SYT3: variants seen among roughly 807,000 people sequenced by gnomAD.
SYT3 encodes synaptotagmin-3.
In SYT3, 25 loss-of-function variants were observed where a neutral mutation model predicts 50.6. That is an observed-to-expected ratio of 0.49 (90% confidence interval 0.36 to 0.69). SYT3 has a LOEUF of 0.69. SYT3 is among the 30% of genes least tolerant of loss of function. The probability of loss-of-function intolerance (pLI) is 0.00; values close to 1 mark genes in which losing one functional copy is unlikely to be tolerated. For missense variants in SYT3, 589 were observed against 793.6 expected, an observed-to-expected ratio of 0.74 and a Z score of 3.10; for synonymous variants, 323 against 353.9, an observed-to-expected ratio of 0.91 and a Z score of 0.98.
Position 50,638,347 on chromosome 19 carries a change from G to A in SYT3, c.-16+678C>T, listed in dbSNP as rs77100496. ...AAGGAGGCCAGACTGGGGTAGACGC[G>A]GGGAGGGCCAGGAGAGAAGGATGGA... On this transcript the variant is annotated intron_variant, in intron 2 of 10. Transcript: ENST00000600079. 6.3e-4 allele frequency among the ~76,000 whole-genome samples: 96 copies of A among 152,226 alleles called. No individual in the cohort carries two copies. The East Asian group carries it at 0.017, about 27-fold the overall frequency.
At position 50,637,256 on chromosome 19, in the gene SYT3, G is replaced by A. The variant is rs1324555625; in HGVS notation, c.148+8C>T. The stretch of plus-strand genomic sequence containing the variant: ...AGGGGGCTGGCCAAGACAGGCAGGG[G>A]TGCTGACCTGCATCTGGACCCCGGG... On this transcript the variant is annotated splice_region_variant and intron_variant, in intron 3 of 10. Transcript: ENST00000600079. This position sits in a 1 kb window ranked among gnomAD's most constrained non-coding sequence, Gnocchi z 4.9. 2 of 1,612,242 alleles carry A rather than the reference G, an allele frequency of 1.2e-6. No homozygotes were observed. The highest frequency in any genetic ancestry group is 2.7e-5 in the African/African-American group (2 of 74,904).
At chr19:50,626,083 C>G (rs1419822273) in intron 6 of SYT3, 66 bp from the exon 7 acceptor site, 2 of 1,562,948 alleles carry the variant, frequency 1.3e-6, no homozygotes, top group East Asian at 4.7e-5. Flanking sequence ...CTGATTTTCT[C>G]TCCGGTCGGA....
the SYT3 span, among the ~76,000 whole-genome samples, chr19:50,655,347 G>T: frequency 6.6e-6 from 1 of 152,164 alleles, no homozygotes; most frequent in Admixed American, 6.5e-5. Flanking sequence ...GATTCTGAGA[G>T]TGTTGGAAAA....
chr19:50,655,917 G>C, the SYT3 span: 1 of 846,512 alleles, frequency 1.2e-6, no homozygotes, highest in Non-Finnish European at 1.9e-6. Flanking sequence ...TTGGAGCTAA[G>C]AGACAGTAAC....
At chr19:50,638,918 G>C (rs1174837840) in intron 2 of SYT3, 107 bp downstream of exon 2, 2 of 152,598 alleles carry the variant, frequency 1.3e-5, no homozygotes, top group Non-Finnish European at 2.9e-5. Context: ...TGGGTTGAAG[G>C]GGATGCAGGG....
chr19:50,624,384 C>G (rs1599812084), intron 9 of SYT3, among the ~76,000 whole-genome samples: 1 of 152,066 alleles, frequency 6.6e-6, no homozygotes, highest in East Asian at 1.9e-4. Flanking sequence ...ACATTTAAAT[C>G]TTTCATATAT....
the SYT3 span, among the ~76,000 whole-genome samples, chr19:50,651,753 A>G: frequency 6.6e-6 from 1 of 152,150 alleles, no homozygotes; most frequent in South Asian, 2.1e-4. Context: ...CAATTTTTCA[A>G]TAAGTACTTA....
chr19:50,650,442 A>G, the SYT3 span, among the ~76,000 whole-genome samples: 1 of 152,196 alleles, frequency 6.6e-6, no homozygotes, highest in Non-Finnish European at 1.5e-5. Context: ...GGCCGAGGTG[A>G]GTGGATCACC....
intron 2 of SYT3, among the ~76,000 whole-genome samples, chr19:50,638,346 C>T (rs10414900): frequency 0.46 from 69,035 of 151,600 alleles, 16,740 homozygotes; most frequent in Middle Eastern, 0.62. Flanking sequence ...GGGGTAGACG[C>T]GGGGAGGGCC....
At position 50,625,556 on chromosome 19, in the gene SYT3, C is replaced by T. The variant is rs1390345233; in HGVS notation, c.1411G>A (p.Val471Met). The T allele has an allele frequency of 1.9e-6, 3 of 1,591,054 alleles. No individual in the cohort carries two copies. Among genetic ancestry groups the T allele is most frequent in the Non-Finnish European group, 2.6e-6 (3 of 1,169,452 alleles). ...MDLTGFSDPY[V>M]KASLISEGRR... ...CCCTCGCTGATCAGGGAGGCCTTCA[C>T]GTAGGGGTCTGGGAACAGCAATGAA... The change falls in exon 8 of 11, where the codon GTG becomes ATG. Residue 471 changes from valine (V) to methionine (M), a missense_variant. By Grantham distance (21) the Val-to-Met change is conservative. This residue lies in a region of SYT3 where 273 missense variants were observed against 439.3 expected (regional missense o/e 0.62). Coordinates refer to ENST00000600079, the MANE Select transcript of SYT3 (RefSeq NM_001160329.2). This position sits in a 1 kb window ranked among gnomAD's most constrained non-coding sequence, Gnocchi z 7.5.
At chr19:50,654,487 T>G in the SYT3 span, among the ~76,000 whole-genome samples, 16 of 151,416 alleles carry the variant, frequency 1.1e-4, no homozygotes, top group Admixed American at 1.1e-3. Flanking sequence ...TTTTAGTAGA[T>G]GGGGTTTCAC....
chr19:50,657,447 G>C, the SYT3 span, among the ~76,000 whole-genome samples: 5 of 152,160 alleles, frequency 3.3e-5, no homozygotes, highest in African/African-American at 1.2e-4. Flanking sequence ...TATCACCCTT[G>C]ACATGCTAAT....
the SYT3 span, among the ~76,000 whole-genome samples, chr19:50,647,319 G>C: frequency 6.6e-6 from 1 of 151,976 alleles, no homozygotes; most frequent in Non-Finnish European, 1.5e-5. Context: ...GGTCAGTTCC[G>C]GGCACAGAAA....
intron 6 of SYT3, among the ~76,000 whole-genome samples, chr19:50,628,363 A>G (rs1255367978): frequency 3.9e-5 from 6 of 152,276 alleles, no homozygotes; most frequent in Admixed American, 1.3e-4. Context: ...ACCAGAGGGC[A>G]GGGGTCGCAA....
At chr19:50,650,954 C>T in the SYT3 span, among the ~76,000 whole-genome samples, 29 of 152,348 alleles carry the variant, frequency 1.9e-4, no homozygotes, top group African/African-American at 7.0e-4. Flanking sequence ...GGAGTTGAGT[C>T]GACCAGTTGG....
At chr19:50,650,803 G>A in the SYT3 span, among the ~76,000 whole-genome samples, 4,562 of 152,314 alleles carry the variant, frequency 0.03, 203 homozygotes, top group African/African-American at 0.097. Context: ...GGCAAAACAG[G>A]CGTTGTTTCT....
chr19:50,626,366 C>G (rs1984062012), intron 6 of SYT3, among the ~76,000 whole-genome samples: 1 of 152,072 alleles, frequency 6.6e-6, no homozygotes, highest in Non-Finnish European at 1.5e-5. Flanking sequence ...GACAGACCCA[C>G]AGGCAAAGTT....
At chr19:50,635,498 C>G (rs1218004706) in intron 3 of SYT3, among the ~76,000 whole-genome samples, 2 of 152,204 alleles carry the variant, frequency 1.3e-5, no homozygotes, top group African/African-American at 4.8e-5. Context: ...AGAAGATTCA[C>G]CTTGCCCAGA....
At chr19:50,650,995 C>A in the SYT3 span, among the ~76,000 whole-genome samples, 1 of 152,162 alleles carries the variant, frequency 6.6e-6, no homozygotes, top group Non-Finnish European at 1.5e-5. Flanking sequence ...TTGTTCATTT[C>A]GATTTTGCTG....
Sources: gnomAD v4.1 joint callset for allele counts (sites outside exome capture counted in the v4.1 genomes callset) on GRCh38, gnomAD v4.1.1 for gene constraint, gnomAD v4.1.1 regional missense constraint, Gnocchi (gnomAD v3.1) non-coding constraint, MANE v1.5 for transcripts, NCBI Gene and HGNC (gene_info 2026-07-23, HGNC 2026-07-21) for gene names.